The following PPP4R2 variants were observed in gnomAD, a reference collection of about 807,000 sequenced individuals.
PPP4R2 encodes serine/threonine-protein phosphatase 4 regulatory subunit 2.
PPP4R2 carries 13 observed loss-of-function variants against 47.2 expected under a neutral mutation model. The observed-to-expected ratio is 0.28, with a 90% CI of 0.18 to 0.44. The LOEUF is 0.44. PPP4R2 is among the 20% of genes least tolerant of loss of function. The pLI is 1.00. For synonymous variants in PPP4R2, 151 were observed against 163.3 expected, an observed-to-expected ratio of 0.92 and a Z score of 0.57; for missense variants, 421 against 491.2, an observed-to-expected ratio of 0.86 and a Z score of 1.35.
chr3:73,027,253 A>G (rs1309964064), intron 2 of PPP4R2, among the ~76,000 whole-genome samples: 3 of 152,096 alleles, frequency 2.0e-5, no homozygotes, highest in Admixed American at 1.3e-4. Flanking sequence ...CAGCCTCCCA[A>G]GTAGCTGGGA....
intron 2 of PPP4R2, among the ~76,000 whole-genome samples, chr3:73,003,424 G>A (rs1387799071): frequency 6.6e-6 from 1 of 152,014 alleles, no homozygotes; most frequent in Non-Finnish European, 1.5e-5. Flanking sequence ...TGTTGAACAG[G>A]CTGTTCTCGA....
chr3:73,027,817 A>T (rs1300350652), intron 2 of PPP4R2: 2 of 151,726 alleles, frequency 1.3e-5, no homozygotes, highest in Non-Finnish European at 2.9e-5. Flanking sequence ...AGAATGTTAC[A>T]GCTCTTTTAG....
intron 2 of PPP4R2, among the ~76,000 whole-genome samples, chr3:73,046,320 A>G (rs558256162): frequency 6.6e-6 from 1 of 152,330 alleles, no homozygotes; most frequent in East Asian, 1.9e-4. Context: ...AGGTGATTAC[A>G]GATGGGCTCC....
chr3:73,001,042 C>T (rs1246009316), intron 2 of PPP4R2, among the ~76,000 whole-genome samples: 1 of 152,066 alleles, frequency 6.6e-6, no homozygotes, highest in African/African-American at 2.4e-5. Context: ...TCCTTATTCT[C>T]TGGTATAAGA....
At chr3:73,062,911 A>G (rs1314044131) in intron 5 of PPP4R2, 5 of 1,605,030 alleles carry the variant, frequency 3.1e-6, no homozygotes, top group South Asian at 1.1e-5. Flanking sequence ...TTGCCAAGAA[A>G]GCACAGATGA....
chr3:73,062,156 C>G (rs771820903), intron 5 of PPP4R2: 2 of 1,548,056 alleles, frequency 1.3e-6, no homozygotes, highest in Non-Finnish European at 1.7e-6. Context: ...ACAGATCTTA[C>G]AAAAGATCTT....
At chr3:73,062,564 T>C (rs747036487) in intron 5 of PPP4R2, 38 of 1,613,826 alleles carry the variant, frequency 2.4e-5, no homozygotes, top group Non-Finnish European at 3.1e-5. Context: ...AGGAAAGGGG[T>C]ACTCCTTATG....
At chr3:73,025,296 T>C (rs1702042467) in intron 2 of PPP4R2, among the ~76,000 whole-genome samples, 1 of 152,250 alleles carries the variant, frequency 6.6e-6, no homozygotes, top group Non-Finnish European at 1.5e-5. Flanking sequence ...AATGGCAACT[T>C]ACTGTGTCAG....
chr3:73,044,492 A>G (rs950491496), intron 2 of PPP4R2, among the ~76,000 whole-genome samples: 7 of 152,182 alleles, frequency 4.6e-5, no homozygotes, highest in South Asian at 2.1e-4. Context: ...AGGCTGAAGC[A>G]GGAGAATTGC....
At chr3:73,030,765 T>C (rs1702152008) in intron 2 of PPP4R2, among the ~76,000 whole-genome samples, 3 of 151,918 alleles carry the variant, frequency 2.0e-5, no homozygotes, top group Non-Finnish European at 4.4e-5. Flanking sequence ...TGCAGTGGCG[T>C]GATCTCAGTC....
At chr3:72,997,182 T>G in intron 1 of PPP4R2, 111 bp downstream of exon 1, 1 of 844,218 alleles carries the variant, frequency 1.2e-6, no homozygotes, top group Non-Finnish European at 1.6e-6. Flanking sequence ...GTGGGGAGAG[T>G]GCTTCCCGGG....
intron 3 of PPP4R2, among the ~76,000 whole-genome samples, chr3:73,052,854 T>C (rs1275470971): frequency 6.6e-6 from 1 of 152,238 alleles, no homozygotes; most frequent in African/African-American, 2.4e-5. Context: ...TGATACCTAA[T>C]AATCTTTATA....
rs754949636 is a variant in PPP4R2 at position 73,062,608 on chromosome 3, C to G, written c.420-1065C>G. ...TTCAAAGATATGCCTAACTTTATTG[C>G]CCTTGAGAAGTCATCAGTTCTCCGC... On this transcript the variant is annotated intron_variant, in intron 5 of 8. Coordinates refer to ENST00000356692, the MANE Select transcript of PPP4R2 (RefSeq NM_174907.4). The G allele has an allele frequency of 3.7e-6, 6 of 1,613,844 alleles. No individual in the cohort carries two copies. In the Admixed American group the frequency reaches 1.0e-4, roughly 27 times the overall value.
chr3:73,058,889 C>A, intron 3 of PPP4R2, 148 bp from the exon 4 acceptor site: 1 of 305,562 alleles, frequency 3.3e-6, no homozygotes, highest in Non-Finnish European at 6.0e-6. Flanking sequence ...TTTTAAATGA[C>A]TCATCCATTT....
chr3:73,052,218 A>G (rs1702628938), intron 3 of PPP4R2, among the ~76,000 whole-genome samples: 1 of 151,366 alleles, frequency 6.6e-6, no homozygotes, highest in Non-Finnish European at 1.5e-5. Flanking sequence ...TAGAAGAATC[A>G]CAATGGAATG....
At chr3:73,003,172 G>C (rs952530872) in intron 2 of PPP4R2, among the ~76,000 whole-genome samples, 1 of 147,156 alleles carries the variant, frequency 6.8e-6, no homozygotes, top group African/African-American at 2.5e-5. Flanking sequence ...AAGTTTTTCT[G>C]TCTCCCTTGT....
chr3:73,008,646 C>T (rs1029248530), intron 2 of PPP4R2, among the ~76,000 whole-genome samples: 1 of 151,966 alleles, frequency 6.6e-6, no homozygotes, highest in Non-Finnish European at 1.5e-5. Flanking sequence ...CTTGTTTCCT[C>T]ACTTAAAAAA....
At position 73,021,900 on chromosome 3, in the gene PPP4R2, ATT is replaced by A. The variant is rs775338491; in HGVS notation, c.116+23757_116+23758del. Among the ~76,000 whole-genome samples, 879 of 114,782 alleles carry A rather than the reference ATT, an allele frequency of 7.7e-3. 12 individuals are homozygous for A. The highest frequency in any genetic ancestry group is 0.029 in the African/African-American group (829 of 28,412). 75.3% of individuals were successfully genotyped at this position (114,782 alleles called of 152,430 possible). ...TGTGTGTATATATGCATATATATATATTTTTTTTTTTTTTTTGAAACAATCTC... is the reference window on the plus strand; with the variant it reads ...TGTGTGTATATATGCATATATATATATTTTTTTTTTTTTTGAAACAATCTC... On this transcript the variant is annotated intron_variant, in intron 2 of 8. Transcript: ENST00000356692.
intron 2 of PPP4R2, among the ~76,000 whole-genome samples, chr3:73,005,063 C>T (rs1374472610): frequency 6.6e-6 from 1 of 151,704 alleles, no homozygotes; most frequent in Non-Finnish European, 1.5e-5. Context: ...GCAATCTCCG[C>T]CTCCCAGTAG....
Sources: gnomAD v4.1 joint callset for allele counts (sites outside exome capture counted in the v4.1 genomes callset) on GRCh38, gnomAD v4.1.1 for gene constraint, MANE v1.5 for transcripts, NCBI Gene and HGNC (gene_info 2026-07-23, HGNC 2026-07-21) for gene names.